The following NLN variants were observed in gnomAD, a reference collection of about 807,000 sequenced individuals.
NLN encodes the protein neurolysin, mitochondrial.
In NLN, 64 loss-of-function variants were observed where a neutral mutation model predicts 79.9. The ratio of observed to expected loss-of-function variants is 0.80; its 90% CI spans 0.65 to 0.99. NLN has a LOEUF of 0.99. NLN is among the 50% of genes least tolerant of loss of function. NLN has a pLI of 0.00. For synonymous variants in NLN, 267 were observed against 296.6 expected, an observed-to-expected ratio of 0.90 and a Z score of 1.02; for missense variants, 835 against 858.7, an observed-to-expected ratio of 0.97 and a Z score of 0.34.
chr5:65,805,467 G>A (rs1483993535), intron 9 of NLN, among the ~76,000 whole-genome samples: 4 of 152,220 alleles, frequency 2.6e-5, no homozygotes, highest in Admixed American at 2.6e-4. Context: ...TTGTTGCTGA[G>A]TGGAGAAAGT....
In NLN at chr5:65,816,909, C is replaced by A. The variant is rs1760683500; in HGVS notation, c.1980+4518C>A. 2.6e-5 allele frequency among the ~76,000 whole-genome samples: 4 copies of A among 152,058 alleles called. No homozygotes were observed. In the South Asian group the frequency reaches 8.3e-4, roughly 32 times the overall value. On this transcript the variant is annotated intron_variant, in intron 12 of 12. Coordinates refer to ENST00000380985, the MANE Select transcript of NLN (RefSeq NM_020726.5). ...AGCGTCAGTGCCTTCTATTGTTAGT[C>A]CCCAGGCACTAGAGAGGCTGGGAGC... is the stretch of plus-strand genomic sequence containing the variant.
At chr5:65,818,397 A>G (rs986773188) in intron 12 of NLN, among the ~76,000 whole-genome samples, 1 of 151,786 alleles carries the variant, frequency 6.6e-6, no homozygotes, top group African/African-American at 2.4e-5. Flanking sequence ...ACCCCCCCAT[A>G]CATACTCCTA....
At chr5:65,783,813 T>C (rs1017894682) in intron 6 of NLN, among the ~76,000 whole-genome samples, 4 of 151,830 alleles carry the variant, frequency 2.6e-5, no homozygotes, top group South Asian at 2.1e-4. Flanking sequence ...CTGCAAAAAA[T>C]GAAAGAAAAA....
At chr5:65,800,794 G>A (rs946873528) in intron 9 of NLN, among the ~76,000 whole-genome samples, 5 of 151,700 alleles carry the variant, frequency 3.3e-5, no homozygotes, top group African/African-American at 7.3e-5. Flanking sequence ...AGGCTCAAGC[G>A]ATCCTCCCAT....
chr5:65,793,906 C>T (rs1760118131), intron 9 of NLN, among the ~76,000 whole-genome samples: 1 of 152,190 alleles, frequency 6.6e-6, no homozygotes, highest in African/African-American at 2.4e-5. Flanking sequence ...AGCATTGATA[C>T]AGTACTCCAG....
chr5:65,738,315 G>GTA (rs1758779012), intron 1 of NLN, among the ~76,000 whole-genome samples: 1 of 151,908 alleles, frequency 6.6e-6, no homozygotes, highest in Non-Finnish European at 1.5e-5. Context: ...CAGGTGTGGT[G>GTA]CCTCATGCCA....
intron 8 of NLN, 130 bp from the exon 9 acceptor site, chr5:65,792,324 C>T: frequency 1.6e-6 from 1 of 616,266 alleles, no homozygotes; most frequent in Non-Finnish European, 2.9e-6. Flanking sequence ...AACCTACTTT[C>T]TAAAAGGTAA....
intron 1 of NLN, among the ~76,000 whole-genome samples, chr5:65,748,178 G>A (rs1023976719): frequency 4.6e-5 from 7 of 152,156 alleles, no homozygotes; most frequent in African/African-American, 1.2e-4. Context: ...TCCAGCCTGG[G>A]CAACAGAGCA....
At chr5:65,781,636 G>T (rs969808976) in intron 6 of NLN, among the ~76,000 whole-genome samples, 3 of 152,102 alleles carry the variant, frequency 2.0e-5, no homozygotes, top group African/African-American at 7.2e-5. Context: ...AATAAAAATA[G>T]AATGGATTAA....
At chr5:65,791,529 G>C (rs1299691509) in intron 8 of NLN, among the ~76,000 whole-genome samples, 1 of 152,108 alleles carries the variant, frequency 6.6e-6, no homozygotes, top group African/African-American at 2.4e-5. Flanking sequence ...CCGCACCCCA[G>C]CCTGGGCAAC....
intron 12 of NLN, among the ~76,000 whole-genome samples, chr5:65,821,409 C>T (rs899718544): frequency 2.0e-5 from 3 of 151,942 alleles, no homozygotes; most frequent in African/African-American, 7.3e-5. Flanking sequence ...TGAGATGTAC[C>T]ATAAGTATAA....
chr5:65,735,539 C>T (rs1758711199), intron 1 of NLN, among the ~76,000 whole-genome samples: 1 of 152,160 alleles, frequency 6.6e-6, no homozygotes, highest in Non-Finnish European at 1.5e-5. Context: ...ATAGTCTTCA[C>T]ATTCTTTCTC....
chr5:65,762,432 C>G (rs1759358815), intron 2 of NLN, among the ~76,000 whole-genome samples: 1 of 152,108 alleles, frequency 6.6e-6, no homozygotes, highest in Admixed American at 6.5e-5. Context: ...TGCCTGTAAT[C>G]CTAATACTTT....
chr5:65,822,952 C>G lies in NLN; in HGVS notation c.*37C>G, dbSNP rs990929469. ...TTGGTAGCCGTCCATGTCTGGAGGA[C>G]AAGTCGACATCACCATGTGTTACTG... On this transcript the variant is annotated 3_prime_UTR_variant, in exon 13 of 13. Coordinates refer to ENST00000380985, the MANE Select transcript of NLN (RefSeq NM_020726.5). The G allele has an allele frequency of 6.3e-7, 1 of 1,587,682 alleles. No individual in the cohort carries two copies. The highest frequency in any genetic ancestry group is 1.7e-5 in the Admixed American group (1 of 59,554).
intron 11 of NLN, among the ~76,000 whole-genome samples, chr5:65,811,370 A>G (rs568243131): frequency 6.6e-6 from 1 of 152,230 alleles, no homozygotes; most frequent in African/African-American, 2.4e-5. Context: ...CCATCCTGTT[A>G]TGCTATCAAG....
intron 1 of NLN, among the ~76,000 whole-genome samples, chr5:65,753,055 G>A (rs1199568451): frequency 6.6e-6 from 1 of 152,148 alleles, no homozygotes; most frequent in Non-Finnish European, 1.5e-5. Context: ...GTCCGGCCGA[G>A]GTGGAGGTAT....
intron 1 of NLN, among the ~76,000 whole-genome samples, chr5:65,747,877 A>G (rs896302421): frequency 1.3e-5 from 2 of 152,162 alleles, no homozygotes; most frequent in African/African-American, 4.8e-5. Flanking sequence ...CTGAGTGCAG[A>G]CACAGGAGGG....
intron 9 of NLN, among the ~76,000 whole-genome samples, chr5:65,795,678 C>T (rs1760159993): frequency 6.6e-6 from 1 of 152,156 alleles, no homozygotes; most frequent in African/African-American, 2.4e-5. Flanking sequence ...CAGAGTGAGA[C>T]TCTGTCTCAA....
chr5:65,735,698 A>G (rs1195189903), intron 1 of NLN, among the ~76,000 whole-genome samples: 3 of 152,160 alleles, frequency 2.0e-5, no homozygotes, highest in Non-Finnish European at 4.4e-5. Flanking sequence ...TTCAGTTTGC[A>G]ATTTTTCTTT....
Sources: gnomAD v4.1 joint callset for allele counts (sites outside exome capture counted in the v4.1 genomes callset) on GRCh38, gnomAD v4.1.1 for gene constraint, MANE v1.5 for transcripts, NCBI Gene and HGNC (gene_info 2026-07-23, HGNC 2026-07-21) for gene names.